Variants in KANK4 observed in about 807,000 individuals in gnomAD.
KANK4 encodes the protein KN motif and ankyrin repeat domains 4.
A neutral mutation model predicts 80.8 loss-of-function variants in KANK4; 50 were observed. The ratio of observed to expected loss-of-function variants is 0.62; its 90% CI spans 0.49 to 0.78. The LOEUF is 0.78. KANK4 is among the 30% of genes least tolerant of loss of function. The pLI, the probability that KANK4 is intolerant of heterozygous loss-of-function variation, is 0.00. For synonymous variants in KANK4, 465 were observed against 506.9 expected (o/e 0.92, Z 1.11); for missense variants, 1,196 against 1,240.1 (o/e 0.96, Z 0.53).
intron 8 of KANK4, among the ~76,000 whole-genome samples, chr1:62,248,547 GTTT>G (rs11349497): frequency 5.1e-5 from 7 of 136,644 alleles, no homozygotes; most frequent in Admixed American, 1.5e-4. Context: ...TAGTTTTTTT[GTTT>G]TTTTTTTTTT....
chr1:62,298,658 T>C (rs535584126), intron 1 of KANK4, among the ~76,000 whole-genome samples: 1 of 152,340 alleles, frequency 6.6e-6, no homozygotes, highest in African/African-American at 2.4e-5. Flanking sequence ...CTTCCTCAGC[T>C]ATAAAATGGT....
rs973204580 is a variant in KANK4 at position 62,264,309 on chromosome 1, C to A, written c.2320-998G>T. On this transcript the variant is annotated intron_variant, in intron 6 of 9. Transcript: ENST00000371153. ...GCTCAGGCCTGTAATCCCAGCTACT[C>A]AGGAGGCTGAGGCAGGAGAATCGCT... Among the ~76,000 whole-genome samples the A allele has an allele frequency of 2.0e-5, 3 of 152,094 alleles. No individual in the cohort carries two copies. The South Asian group carries it at 6.2e-4, about 32-fold the overall frequency.
intron 1 of KANK4, among the ~76,000 whole-genome samples, chr1:62,290,744 AG>A (rs1672661536): frequency 8.5e-6 from 1 of 117,090 alleles, no homozygotes; most frequent in South Asian, 2.6e-4. Flanking sequence ...AGAGCTGGAA[AG>A]GATTTTTTTT....
chr1:62,275,519 T>C (rs955331424), intron 2 of KANK4, among the ~76,000 whole-genome samples: 1 of 152,198 alleles, frequency 6.6e-6, no homozygotes, highest in Non-Finnish European at 1.5e-5. Context: ...GATACACAAG[T>C]GGCTCAGCAG....
chr1:62,283,120 C>T (rs1672487342), intron 1 of KANK4, among the ~76,000 whole-genome samples: 1 of 152,184 alleles, frequency 6.6e-6, no homozygotes, highest in Non-Finnish European at 1.5e-5. Context: ...CAGTCTGCAG[C>T]AGGCGATGCT....
At chr1:62,287,081 G>A (rs1672585871) in intron 1 of KANK4, among the ~76,000 whole-genome samples, 1 of 152,168 alleles carries the variant, frequency 6.6e-6, no homozygotes, top group African/African-American at 2.4e-5. Flanking sequence ...GCAGCTGCCA[G>A]AGGAGCAAGG....
chr1:62,279,760 T>C (rs776895508), intron 2 of KANK4, among the ~76,000 whole-genome samples: 15 of 152,180 alleles, frequency 9.9e-5, no homozygotes, highest in African/African-American at 1.7e-4. Flanking sequence ...TCACTGAGCA[T>C]GTGCTGTCTC....
At chr1:62,258,787 C>A (rs1319036403) in intron 7 of KANK4, among the ~76,000 whole-genome samples, 1 of 152,100 alleles carries the variant, frequency 6.6e-6, no homozygotes, top group Non-Finnish European at 1.5e-5. Flanking sequence ...AGAGGGTTCT[C>A]CCCTAGAGAG....
chr1:62,251,347 T>C (rs1018225839), intron 8 of KANK4, among the ~76,000 whole-genome samples: 4 of 152,166 alleles, frequency 2.6e-5, no homozygotes, highest in African/African-American at 9.7e-5. Context: ...CACAAAACTG[T>C]AGCAGGCTAC....
chr1:62,281,242 C>T (rs950064526), intron 2 of KANK4, among the ~76,000 whole-genome samples: 2 of 152,154 alleles, frequency 1.3e-5, no homozygotes, highest in African/African-American at 4.8e-5. Flanking sequence ...CTTTAAGTGA[C>T]TAAATTGTTG....
At chr1:62,312,139 T>G (rs555421665) in intron 1 of KANK4, among the ~76,000 whole-genome samples, 1 of 152,162 alleles carries the variant, frequency 6.6e-6, no homozygotes, top group Non-Finnish European at 1.5e-5. Flanking sequence ...TAATAAAATT[T>G]TTTAAATTGT....
intron 6 of KANK4, among the ~76,000 whole-genome samples, chr1:62,266,462 C>T (rs1672021879): frequency 6.6e-6 from 1 of 151,718 alleles, no homozygotes; most frequent in South Asian, 2.1e-4. Flanking sequence ...ACACTGCATG[C>T]TCACACCACT....
chr1:62,300,773 G>A lies in KANK4; in HGVS notation c.-71+18333C>T, dbSNP rs115771447. On this transcript the variant is annotated intron_variant, in intron 1 of 9. Transcript: ENST00000371153. ...TAAATACAACTCTGACTGCAATGAG[G>A]GGCGTATGTCCCCAGATTCTGGACT... 6.1e-3 allele frequency among the ~76,000 whole-genome samples: 928 copies of A among 152,072 alleles called. 9 individuals carry two copies. The highest frequency in any genetic ancestry group is 0.014 in the Middle Eastern group (4 of 294).
intron 1 of KANK4, among the ~76,000 whole-genome samples, chr1:62,314,677 G>C (rs1262133598): frequency 6.8e-6 from 1 of 146,692 alleles, no homozygotes; most frequent in Non-Finnish European, 1.5e-5. Context: ...TCCATGCAAA[G>C]GGGGAAAAGC....
chr1:62,297,570 G>A (rs1435751943), intron 1 of KANK4, among the ~76,000 whole-genome samples: 1 of 152,162 alleles, frequency 6.6e-6, no homozygotes, highest in Non-Finnish European at 1.5e-5. Flanking sequence ...GAAACAGAAA[G>A]AACCAGATAG....
rs1470765608 is a variant in KANK4 at position 62,253,123 on chromosome 1, T to C, written c.2626A>G (p.Met876Val). Reference sequence around the variant, plus strand: ...CTTAAGAGCTTCCAGACAACAGCCATGTCTTCATTGGTCTCTGCGGAAGCC... The same window carrying C: ...CTTAAGAGCTTCCAGACAACAGCCACGTCTTCATTGGTCTCTGCGGAAGCC... ...PLASAETNED[M>V]AVVWKLLREG... Residue 876 changes from methionine (M) to valine (V), a missense_variant, in exon 8 of 10, where the codon ATG becomes GTG. Around this residue, in one of 3 missense-constraint regions of KANK4, gnomAD observed 1,154 missense variants for 1,179.6 expected, o/e 0.98. Transcript: ENST00000371153. The C allele has an allele frequency of 2.5e-6, 4 of 1,613,908 alleles. No individual in the cohort carries two copies. The Admixed American group carries it at 5.0e-5, about 20-fold the overall frequency.
chr1:62,260,490 G>A (rs921371722), intron 7 of KANK4, among the ~76,000 whole-genome samples: 2 of 151,888 alleles, frequency 1.3e-5, no homozygotes, highest in Non-Finnish European at 2.9e-5. Context: ...AATATGTTCA[G>A]AGCTCCTCTC....
At position 62,263,276 on chromosome 1, in the gene KANK4, GA is replaced by G; in HGVS notation, c.2354del (p.Phe785SerfsTer29). ...QSLNTISQEW[F>X]RVSSRKSSSP... is the part of the protein sequence containing the mutation. Reference sequence around the variant, plus strand: ...TAGACGACTTCCGGCTGGAGACGCGGAACCACTCTTGACTGATGGTGTTCAA... The same window carrying G: ...TAGACGACTTCCGGCTGGAGACGCGGACCACTCTTGACTGATGGTGTTCAA... On this transcript the variant is annotated frameshift_variant, in exon 7 of 10. Coordinates refer to ENST00000371153, the MANE Select transcript of KANK4 (RefSeq NM_181712.5). LOFTEE classifies it high-confidence loss of function. 1.2e-6 allele frequency: 2 copies of G among 1,613,440 alleles called. No individual in the cohort carries two copies. The highest frequency in any genetic ancestry group is 1.7e-6 in the Non-Finnish European group (2 of 1,179,842).
chr1:62,274,764 T>A lies in KANK4; in HGVS notation c.340A>T (p.Asn114Tyr). Residue 114 changes from asparagine (N) to tyrosine (Y), a missense_variant, in exon 3 of 10, where the codon AAT (asparagine) becomes TAT (tyrosine). Around this residue, in one of 3 missense-constraint regions of KANK4, gnomAD observed 1,154 missense variants for 1,179.6 expected, o/e 0.98. Transcript: ENST00000371153. ...QEQNQSPPLG[N>Y]APQASTSRSE... The stretch of plus-strand genomic sequence containing the variant: ...CTGCTTGTTGAGGCCTGGGGGGCAT[T>A]ACCAAGCGGTGGTGACTGGTTTTGC... 1 of 1,614,050 alleles carries A rather than the reference T, an allele frequency of 6.2e-7. No individual in the cohort carries two copies. The highest frequency in any genetic ancestry group is 1.1e-5 in the South Asian group (1 of 91,080).
Sources: gnomAD v4.1 joint callset for allele counts (sites outside exome capture counted in the v4.1 genomes callset) on GRCh38, gnomAD v4.1.1 for gene constraint, gnomAD v4.1.1 regional missense constraint, MANE v1.5 for transcripts, NCBI Gene and HGNC (gene_info 2026-07-23, HGNC 2026-07-21) for gene names.